TEX261: variants seen among roughly 807,000 people sequenced by gnomAD.
TEX261 encodes testis expressed 261.
In TEX261, 13 loss-of-function variants were observed where a neutral mutation model predicts 25.1. The ratio of observed to expected loss-of-function variants is 0.52; its 90% CI spans 0.34 to 0.82. TEX261 has a LOEUF of 0.82. TEX261 is among the 40% of genes least tolerant of loss of function. The pLI is 0.02. For missense variants in TEX261, 206 were observed against 243.2 expected (o/e 0.85, Z 1.02); for synonymous variants, 92 against 97.8 (o/e 0.94, Z 0.35).
At chr2:70,993,199 T>C (rs1553425823) in intron 2 of TEX261, among the ~76,000 whole-genome samples, 3 of 152,180 alleles carry the variant, frequency 2.0e-5, no homozygotes, top group Admixed American at 2.0e-4. Context: ...TTGATATCAG[T>C]GGCAAGGACT....
chr2:70,994,862 C>A lies in TEX261; in HGVS notation c.-105G>T. The A allele has an allele frequency of 8.3e-7, 1 of 1,211,750 alleles. No homozygotes were observed. The highest frequency in any genetic ancestry group is 3.9e-5 in the East Asian group (1 of 25,448). 75.1% of individuals were successfully genotyped at this position (1,211,750 alleles called of 1,614,324 possible). A position where few individuals can be genotyped will look rare whatever the true frequency, so the allele number is the denominator to read the frequency against. On this transcript the variant is annotated 5_prime_UTR_variant, in exon 1 of 6. Coordinates refer to ENST00000272438, the MANE Select transcript of TEX261 (RefSeq NM_144582.3). ...CGCCGCCGCCGCCGCGTCCCCGCCC[C>A]GCGGACGACAGGACGACGGTGCGCC...
intron 2 of TEX261, among the ~76,000 whole-genome samples, chr2:70,992,798 T>A (rs1223257533): frequency 6.6e-6 from 1 of 152,148 alleles, no homozygotes; most frequent in Non-Finnish European, 1.5e-5. Flanking sequence ...TATATATGAT[T>A]CAAAGCTCAA....
intron 3 of TEX261, among the ~76,000 whole-genome samples, chr2:70,991,276 G>A (rs1670293369): frequency 6.6e-6 from 1 of 152,228 alleles, no homozygotes; most frequent in African/African-American, 2.4e-5. Flanking sequence ...AGTGGTGGCA[G>A]GGCAACGCCA....
chr2:70,986,286 A>C lies in TEX261; in HGVS notation c.*2314T>G, dbSNP rs1670183654. ...GGAGGCTGGGACCCAGAATGCAAGAAGGCAAGTGATGAGACCAGAGAGGTG... is the reference window on the plus strand; with the variant it reads ...GGAGGCTGGGACCCAGAATGCAAGACGGCAAGTGATGAGACCAGAGAGGTG... On this transcript the variant is annotated 3_prime_UTR_variant, in exon 6 of 6. Transcript: ENST00000272438. The C allele has an allele frequency of 3.3e-5, 5 of 152,736 alleles. No homozygotes were observed. The highest frequency in any genetic ancestry group is 3.3e-4 in the Admixed American group (5 of 15,278). The allele number at this position is 152,736 out of a possible 1,614,324, so 9.5% of individuals were successfully genotyped here.
In TEX261 at chr2:70,987,409, T is replaced by C. The variant is rs1367489715; in HGVS notation, c.*1191A>G. 7.9e-5 allele frequency: 12 copies of C among 152,792 alleles called. No homozygotes were observed. Among genetic ancestry groups the C allele is most frequent in the African/African-American group, 2.9e-4 (12 of 41,588 alleles). The allele number at this position is 152,792 out of a possible 1,614,324, so 9.5% of individuals were successfully genotyped here. On this transcript the variant is annotated 3_prime_UTR_variant, in exon 6 of 6. Transcript: ENST00000272438. ...TCCAGTGGCTTAAATGTATCACATG[T>C]GTACAGTTCATCTCTGTACCTGCCA...
intron 2 of TEX261, among the ~76,000 whole-genome samples, chr2:70,992,700 G>T (rs1417801596): frequency 6.6e-6 from 1 of 150,656 alleles, no homozygotes; most frequent in African/African-American, 2.5e-5. Flanking sequence ...CTGCACTCCA[G>T]CCTGGGTAAT....
At chr2:70,993,838 C>G (rs1408348247) in intron 1 of TEX261, 63 bp from the exon 2 acceptor site, 1 of 1,316,100 alleles carries the variant, frequency 7.6e-7, no homozygotes, top group African/African-American at 1.5e-5. Context: ...GGTCACCCCT[C>G]TCTCTGCAGC....
At chr2:70,991,131 A>G (rs1186254009) in intron 3 of TEX261, among the ~76,000 whole-genome samples, 1 of 152,252 alleles carries the variant, frequency 6.6e-6, no homozygotes, top group African/African-American at 2.4e-5. Context: ...AGCCTTTTCC[A>G]GGAATATCTG....
At chr2:70,993,840 C>A in intron 1 of TEX261, 65 bp from the exon 2 acceptor site, 2 of 1,292,168 alleles carry the variant, frequency 1.5e-6, no homozygotes, top group South Asian at 2.4e-5. Flanking sequence ...TCACCCCTCT[C>A]TCTGCAGCCC....
In TEX261 at chr2:70,988,498, G is replaced by T; in HGVS notation, c.*102C>A. The T allele has an allele frequency of 1.2e-6, 1 of 867,056 alleles. No individual in the cohort carries two copies. Among genetic ancestry groups the T allele is most frequent in the Non-Finnish European group, 1.9e-6 (1 of 519,700 alleles). The allele number at this position is 867,056 out of a possible 1,614,324, so 53.7% of individuals were successfully genotyped here. On this transcript the variant is annotated 3_prime_UTR_variant, in exon 6 of 6. Transcript: ENST00000272438. Reference sequence around the variant, plus strand: ...CAGAGTTGAGGGGAAGAAAGCCAGGGCAGGTGGTAGGTGCCTTCCCGACTT... The same window carrying T: ...CAGAGTTGAGGGGAAGAAAGCCAGGTCAGGTGGTAGGTGCCTTCCCGACTT...
rs1020364930 is a variant in TEX261, at chr2:70,992,280, C to T, written c.151-297G>A. ...TTGGGACTACAGGCATGCACAACCA[C>T]GCCCAGCTAATTTTTGTGTCTTTAG... On this transcript the variant is annotated intron_variant, in intron 2 of 5. Coordinates refer to ENST00000272438, the MANE Select transcript of TEX261 (RefSeq NM_144582.3). 2.5e-4 allele frequency among the ~76,000 whole-genome samples: 38 copies of T among 152,178 alleles called. 1 individual carries two copies. The highest frequency in any genetic ancestry group is 2.2e-3 in the Admixed American group (33 of 15,286).
intron 2 of TEX261, 57 bp downstream of exon 2, chr2:70,993,639 T>C: frequency 7.0e-7 from 1 of 1,434,196 alleles, no homozygotes. Flanking sequence ...CCCCACTTCC[T>C]GCTTTTGAGG....
rs1572943640 is a variant in TEX261, at chr2:70,994,470, C to A, written c.70+218G>T. 21 of 612,312 alleles carry A rather than the reference C, an allele frequency of 3.4e-5. No individual in the cohort carries two copies. In the East Asian group the frequency reaches 7.0e-4, roughly 21 times the overall value. The allele number at this position is 612,312 out of a possible 1,614,324, so 37.9% of individuals were successfully genotyped here. ...CGAGTCACCCTTTCTCGGGCAGTGC[C>A]GGAGCGGACTCTGTGACACCTGGAA... On this transcript the variant is annotated intron_variant, in intron 1 of 5. Transcript: ENST00000272438.
chr2:70,994,649 G>A, intron 1 of TEX261, 39 bp downstream of exon 1: 3 of 1,568,782 alleles, frequency 1.9e-6, no homozygotes, highest in Non-Finnish European at 2.6e-6. Flanking sequence ...ACCGATGCCG[G>A]GGCGGGAGCC....
intron 1 of TEX261, 63 bp downstream of exon 1, chr2:70,994,625 G>A: frequency 1.3e-6 from 2 of 1,552,134 alleles, no homozygotes; most frequent in Non-Finnish European, 1.7e-6. Flanking sequence ...CCCGCGATGC[G>A]ACCCCCAACG....
At chr2:70,988,768 G>T in intron 5 of TEX261, 53 bp from the exon 6 acceptor site, 1 of 1,538,120 alleles carries the variant, frequency 6.5e-7, no homozygotes, top group Non-Finnish European at 9.0e-7. Context: ...GTGTGTGTGT[G>T]TGCGCATGTG....
rs782531923 is a variant in TEX261 at position 70,988,563 on chromosome 2, T to C, written c.*37A>G. ...GCATAGAGGCCCAGGGGCCTGACTC[T>C]CCTGATCTTGCCCCCCACATCCTGC... is the stretch of plus-strand genomic sequence containing the variant. On this transcript the variant is annotated 3_prime_UTR_variant, in exon 6 of 6. Transcript: ENST00000272438. The C allele has an allele frequency of 1.3e-6, 2 of 1,537,800 alleles. No individual in the cohort carries two copies. The highest frequency in any genetic ancestry group is 2.7e-5 in the African/African-American group (2 of 73,344).
At chr2:70,993,856 C>G (rs1670354267) in intron 1 of TEX261, 81 bp from the exon 2 acceptor site, 3 of 1,101,482 alleles carry the variant, frequency 2.7e-6, no homozygotes, top group Non-Finnish European at 4.2e-6. Flanking sequence ...AGCCCAGTCC[C>G]CATCCACCCT....
At chr2:70,991,510 G>A (rs1572941978) in intron 3 of TEX261, among the ~76,000 whole-genome samples, 2 of 152,180 alleles carry the variant, frequency 1.3e-5, no homozygotes, top group South Asian at 4.1e-4. Context: ...TGGCCAAGTG[G>A]TTTTTTTGAG....
Sources: allele counts gnomAD v4.1 joint callset (sites outside exome capture counted in the v4.1 genomes callset), GRCh38; gene constraint gnomAD v4.1.1; transcripts MANE v1.5; gene names NCBI Gene and HGNC (gene_info 2026-07-23, HGNC 2026-07-21).